ATXN1: variants seen among roughly 807,000 people sequenced by gnomAD.
ATXN1 encodes ataxin 1.
ATXN1 carries 8 observed loss-of-function variants against 56.4 expected under a neutral mutation model. That is an observed-to-expected ratio of 0.14 (90% CI 0.08 to 0.26). The LOEUF (loss-of-function observed/expected upper bound fraction) is 0.26, where lower values mean the gene tolerates loss of function less well. ATXN1 is among the 10% of genes least tolerant of loss of function. The pLI is 1.00. For synonymous variants in ATXN1, 514 were observed against 494.6 expected (o/e 1.04, Z -0.52); for missense variants, 987 against 1,106.5 (o/e 0.89, Z 1.53).
chr6:16,372,249 T>C (rs924358758), intron 6 of ATXN1, among the ~76,000 whole-genome samples: 2 of 151,948 alleles, frequency 1.3e-5, no homozygotes, highest in Non-Finnish European at 2.9e-5. Context: ...GTGCCCTTGG[T>C]CTCACCAGAC....
chr6:16,390,583 A>G (rs1276101460), intron 6 of ATXN1, among the ~76,000 whole-genome samples: 1 of 151,744 alleles, frequency 6.6e-6, no homozygotes, highest in African/African-American at 2.4e-5. Flanking sequence ...TGGCTTATCT[A>G]TCTCTAGCGT....
chr6:16,741,121 C>CT (rs1171974636), intron 2 of ATXN1, among the ~76,000 whole-genome samples: 1 of 152,158 alleles, frequency 6.6e-6, no homozygotes, highest in African/African-American at 2.4e-5. Context: ...CCACTGGAAT[C>CT]TAGTAAATCA....
intron 7 of ATXN1, among the ~76,000 whole-genome samples, chr6:16,316,865 CTTTTTTTTTTTT>C (rs375359789): frequency 3.0e-5 from 3 of 99,498 alleles, no homozygotes; most frequent in Admixed American, 1.0e-4. Context: ...GACTGCCTGT[CTTTTTTTTTTTT>C]TTTTTTTTTT....
At chr6:16,524,463 G>A (rs959960128) in intron 4 of ATXN1, among the ~76,000 whole-genome samples, 2 of 152,190 alleles carry the variant, frequency 1.3e-5, no homozygotes, top group African/African-American at 4.8e-5. Flanking sequence ...TCTACAGTAC[G>A]AATTCTTGAG....
At chr6:16,739,544 A>G (rs944717513) in intron 2 of ATXN1, 1 of 266,332 alleles carries the variant, frequency 3.8e-6, no homozygotes, top group African/African-American at 2.2e-5. Context: ...GTATTTGTGT[A>G]AAGACTCCCC....
chr6:16,566,230 T>C (rs1376215212), intron 4 of ATXN1, among the ~76,000 whole-genome samples: 1 of 152,230 alleles, frequency 6.6e-6, no homozygotes, highest in East Asian at 1.9e-4. Flanking sequence ...AATCTACAAT[T>C]AACATTTCAT....
chr6:16,706,127 T>G (rs1759400640), intron 2 of ATXN1, among the ~76,000 whole-genome samples: 1 of 152,142 alleles, frequency 6.6e-6, no homozygotes, highest in East Asian at 1.9e-4. Context: ...CAAGCTTGTC[T>G]GAACAACTCC....
chr6:16,403,383 CT>C (rs1300292162), intron 6 of ATXN1, among the ~76,000 whole-genome samples: 1 of 152,204 alleles, frequency 6.6e-6, no homozygotes, highest in East Asian at 1.9e-4. Flanking sequence ...CAGGGTCTCA[CT>C]TTGTCACTCA....
intron 4 of ATXN1, among the ~76,000 whole-genome samples, chr6:16,574,024 T>C (rs1211978107): frequency 6.6e-6 from 1 of 152,106 alleles, no homozygotes; most frequent in African/African-American, 2.4e-5. Context: ...CTGAACTAGA[T>C]TTTTTGTTTT....
intron 2 of ATXN1, among the ~76,000 whole-genome samples, chr6:16,731,454 C>CTCTTTT (rs1759977962): frequency 1.2e-5 from 1 of 81,756 alleles, no homozygotes; most frequent in Admixed American, 1.7e-4. Context: ...TTTTTCTTTT[C>CTCTTTT]TTTTTTTTTT....
chr6:16,563,496 A>G (rs1762157947), intron 4 of ATXN1, among the ~76,000 whole-genome samples: 1 of 152,174 alleles, frequency 6.6e-6, no homozygotes, highest in African/African-American at 2.4e-5. Flanking sequence ...GAAAGTGGCT[A>G]TAGTGACCAA....
intron 3 of ATXN1, among the ~76,000 whole-genome samples, chr6:16,642,415 C>A (rs937346753): frequency 1.1e-4 from 17 of 152,044 alleles, no homozygotes; most frequent in Non-Finnish European, 1.6e-4. Flanking sequence ...AACAAACAAA[C>A]AAAAAAACCA....
intron 1 of ATXN1, among the ~76,000 whole-genome samples, chr6:16,759,634 A>G (rs1761005103): frequency 6.7e-6 from 1 of 149,146 alleles, no homozygotes; most frequent in Non-Finnish European, 1.5e-5. Context: ...TTATATACCA[A>G]GAAAGCAAAA....
At chr6:16,689,312 T>G (rs1178751338) in intron 2 of ATXN1, among the ~76,000 whole-genome samples, 2 of 151,944 alleles carry the variant, frequency 1.3e-5, no homozygotes, top group Admixed American at 1.3e-4. Flanking sequence ...TTTTTTATAT[T>G]GTTGTAAGTT....
At chr6:16,709,437 C>T (rs1219708057) in intron 2 of ATXN1, among the ~76,000 whole-genome samples, 2 of 152,094 alleles carry the variant, frequency 1.3e-5, no homozygotes, top group Non-Finnish European at 2.9e-5. Flanking sequence ...ATCCTTGGCA[C>T]AATGATGATA....
At chr6:16,695,112 A>G (rs1357192022) in intron 2 of ATXN1, among the ~76,000 whole-genome samples, 1 of 151,612 alleles carries the variant, frequency 6.6e-6, no homozygotes, top group Non-Finnish European at 1.5e-5. Flanking sequence ...CTTGGGGACC[A>G]TGGCTCTATG....
At chr6:16,426,101 C>T (rs1320844038) in intron 6 of ATXN1, among the ~76,000 whole-genome samples, 1 of 152,124 alleles carries the variant, frequency 6.6e-6, no homozygotes, top group Non-Finnish European at 1.5e-5. Context: ...CATTCATCCG[C>T]TATTTCACTC....
At chr6:16,544,727 T>C (rs1761781453) in intron 4 of ATXN1, among the ~76,000 whole-genome samples, 1 of 152,192 alleles carries the variant, frequency 6.6e-6, no homozygotes, top group African/African-American at 2.4e-5. Flanking sequence ...CAGGCTTTCC[T>C]CCTTGCCTGC....
At chr6:16,504,993 C>CTTTTTTTTTTTTTTTTT (rs34197922) in intron 5 of ATXN1, among the ~76,000 whole-genome samples, 6 of 135,318 alleles carry the variant, frequency 4.4e-5, no homozygotes, top group African/African-American at 1.7e-4. Context: ...CTCCTGTTTC[C>CTTTTTTTTTTTTTTTTT]TTTTTTTTTT....
Sources: gnomAD v4.1 joint callset for allele counts (sites outside exome capture counted in the v4.1 genomes callset) on GRCh38, gnomAD v4.1.1 for gene constraint, MANE v1.5 for transcripts, NCBI Gene and HGNC (gene_info 2026-07-23, HGNC 2026-07-21) for gene names.